Variants in ASMT observed in about 807,000 individuals in gnomAD.
The protein encoded by ASMT is acetylserotonin N-methyltransferase.
A neutral mutation model predicts 41.3 loss-of-function variants in ASMT; 53 were observed. That is an observed-to-expected ratio of 1.28 (90% CI 1.03 to 1.61). The LOEUF (loss-of-function observed/expected upper bound fraction) is 1.61. ASMT is among the 40% of genes most tolerant of loss of function. The probability of loss-of-function intolerance (pLI) is 0.00; values close to 1 mark genes in which losing one functional copy is unlikely to be tolerated. For synonymous variants in ASMT, 231 were observed against 184.8 expected (o/e 1.25, Z -2.03); for missense variants, 531 against 441.3 (o/e 1.20, Z -1.82).
At position 1,615,082 on chromosome X, in the gene ASMT, G is replaced by A. The variant is rs1391480759; in HGVS notation, c.-118G>A. The A allele has an allele frequency of 4.9e-6, 4 of 823,392 alleles. No homozygotes were observed. The Admixed American group carries it at 8.0e-5, about 16-fold the overall frequency. 51.0% of individuals were successfully genotyped at this position (823,392 alleles called of 1,614,324 possible). A position where few individuals can be genotyped will look rare whatever the true frequency, so the allele number is the denominator to read the frequency against. On this transcript the variant is annotated 5_prime_UTR_variant, in exon 1 of 9. Coordinates refer to ENST00000381241, the MANE Select transcript of ASMT (RefSeq NM_001171038.2). ...TTGTTTGAGTACTGGGCAGGCAGCAGGGAGAGTCAGGCAGCAGCTGTGAGC... is the reference window on the plus strand; with the variant it reads ...TTGTTTGAGTACTGGGCAGGCAGCAAGGAGAGTCAGGCAGCAGCTGTGAGC...
intron 1 of ASMT, among the ~76,000 whole-genome samples, chrX:1,616,682 C>T (rs1284083672): frequency 1.3e-5 from 2 of 151,256 alleles, no homozygotes; most frequent in African/African-American, 2.4e-5. Flanking sequence ...CCAGTCTGGG[C>T]AACATAGTGA....
chrX:1,629,453 G>A (rs1400591000), intron 4 of ASMT, among the ~76,000 whole-genome samples: 2 of 152,178 alleles, frequency 1.3e-5, no homozygotes, highest in Non-Finnish European at 2.9e-5. Flanking sequence ...CTCTTCCCCA[G>A]GATGTGTGGA....
intron 1 of ASMT, 66 bp from the exon 2 acceptor site, chrX:1,623,073 G>A: frequency 6.6e-7 from 1 of 1,517,746 alleles, no homozygotes; most frequent in Non-Finnish European, 9.1e-7. Context: ...ATGGTATGGG[G>A]TGTTTCTAAG....
chrX:1,642,693 G>A (rs1439165530), intron 8 of ASMT, 110 bp from the exon 9 acceptor site: 24 of 962,602 alleles, frequency 2.5e-5, no homozygotes, highest in Admixed American at 1.5e-4. Flanking sequence ...TGATGGGGAC[G>A]GTGCCCTGAC....
intron 1 of ASMT, among the ~76,000 whole-genome samples, chrX:1,616,092 G>A (rs1258488039): frequency 4.0e-5 from 6 of 151,260 alleles, no homozygotes; most frequent in Admixed American, 6.6e-5. Context: ...GCAGTGGCAC[G>A]GTCTTGGCTC....
intron 7 of ASMT, among the ~76,000 whole-genome samples, chrX:1,634,824 C>T (rs1251082215): frequency 6.6e-6 from 1 of 151,910 alleles, no homozygotes; most frequent in Non-Finnish European, 1.5e-5. Flanking sequence ...TATCACCATG[C>T]CTGGCTAATT....
At chrX:1,619,961 T>C (rs1254218454) in intron 1 of ASMT, among the ~76,000 whole-genome samples, 1 of 150,768 alleles carries the variant, frequency 6.6e-6, no homozygotes, top group Non-Finnish European at 1.5e-5. Flanking sequence ...GGCGTGGTGG[T>C]GGGCGCCTGT....
intron 4 of ASMT, among the ~76,000 whole-genome samples, chrX:1,628,211 G>T (rs5948993): frequency 1.3e-5 from 2 of 151,882 alleles, no homozygotes; most frequent in African/African-American, 4.8e-5. Context: ...ATCCCAGCTA[G>T]TCGGGAGGCT....
intron 3 of ASMT, among the ~76,000 whole-genome samples, chrX:1,625,825 G>A (rs1361675104): frequency 2.6e-5 from 4 of 151,664 alleles, no homozygotes; most frequent in African/African-American, 7.3e-5. Context: ...GTGGTGGCGG[G>A]CGCCTGTAGT....
chrX:1,636,255 C>A (rs1218417483), intron 7 of ASMT, 183 bp from the exon 8 acceptor site: 6 of 921,422 alleles, frequency 6.5e-6, no homozygotes, highest in African/African-American at 1.6e-5. Context: ...CCGCGCCCGA[C>A]CTCAGTATTT....
At chrX:1,624,151 AAAG>A in intron 2 of ASMT, 115 bp from the exon 3 acceptor site, 1 of 1,349,570 alleles carries the variant, frequency 7.4e-7, no homozygotes, top group Middle Eastern at 2.4e-4. Flanking sequence ...CCCCATCTCT[AAAG>A]AAGAGATGGG....
intron 4 of ASMT, among the ~76,000 whole-genome samples, chrX:1,629,570 A>T (rs1469955943): frequency 1.2e-4 from 18 of 152,172 alleles, no homozygotes; most frequent in Admixed American, 3.9e-4. Flanking sequence ...CTTCAGATAG[A>T]AATCCCTTCC....
At chrX:1,625,528 A>AGAAGGAAG (rs571574132) in intron 3 of ASMT, among the ~76,000 whole-genome samples, 2,614 of 99,702 alleles carry the variant, frequency 0.026, 213 homozygotes, top group African/African-American at 0.098. Context: ...GAGAGAGGGG[A>AGAAGGAAG]GAAGGAAGGA....
chrX:1,634,822 T>C (rs1439294640), intron 7 of ASMT, among the ~76,000 whole-genome samples: 1 of 151,962 alleles, frequency 6.6e-6, no homozygotes, highest in African/African-American at 2.4e-5. Flanking sequence ...CCTATCACCA[T>C]GCCTGGCTAA....
chrX:1,625,260 A>G (rs28493247), intron 3 of ASMT, among the ~76,000 whole-genome samples: 59,110 of 150,192 alleles, frequency 0.39, 11,338 homozygotes, highest in East Asian at 0.57. Context: ...ACCCGCCACC[A>G]CACCCGACTA....
chrX:1,636,225 A>G lies in ASMT; in HGVS notation c.788-213A>G, dbSNP rs371683761. ...GCCCACCTCCGCCTCCCAAAGTGCT[A>G]GGATTACAGGCGTGAGCCACCGCGC... On this transcript the variant is annotated intron_variant, in intron 7 of 8. Coordinates refer to ENST00000381241, the MANE Select transcript of ASMT (RefSeq NM_001171038.2). The G allele has an allele frequency of 1.1e-3, 760 of 675,718 alleles. 3 individuals are homozygous for G. Among genetic ancestry groups the G allele is most frequent in the African/African-American group, 7.5e-3 (427 of 56,744 alleles). The allele number at this position is 675,718 out of a possible 1,614,324, so 41.9% of individuals were successfully genotyped here. A position where few individuals can be genotyped will look rare whatever the true frequency, so the allele number is the denominator to read the frequency against.
At chrX:1,628,445 C>T (rs1315639724) in intron 4 of ASMT, among the ~76,000 whole-genome samples, 14 of 152,236 alleles carry the variant, frequency 9.2e-5, no homozygotes, top group Admixed American at 6.5e-5. Context: ...GGCCTTTGCC[C>T]GAAGCTCTTA....
chrX:1,633,197 T>C lies in ASMT; in HGVS notation c.694T>C (p.Cys232Arg). Residue 232 changes from cysteine (C) to arginine (R), a missense_variant, in exon 7 of 9, where the codon TGT (cysteine) becomes CGT (arginine). Coordinates refer to ENST00000381241, the MANE Select transcript of ASMT (RefSeq NM_001171038.2). The part of the protein sequence containing the change: ...AKECMSLYPG[C>R]KITVFDIPEV... Reference sequence around the variant, plus strand: ...GGAATGCATGTCTCTGTACCCTGGATGTAAGATCACCGTTTTTGACATCCC... The same window carrying C: ...GGAATGCATGTCTCTGTACCCTGGACGTAAGATCACCGTTTTTGACATCCC... 2 of 1,613,836 alleles carry C rather than the reference T, an allele frequency of 1.2e-6. No individual in the cohort carries two copies. The highest frequency in any genetic ancestry group is 1.7e-6 in the Non-Finnish European group (2 of 1,179,844).
chrX:1,632,467 C>T (rs758096264), intron 5 of ASMT, among the ~76,000 whole-genome samples: 13 of 152,174 alleles, frequency 8.5e-5, no homozygotes, highest in South Asian at 2.1e-4. Context: ...CTGGCTAACA[C>T]GGAGAAACCC....
Sources: gnomAD v4.1 joint callset for allele counts (sites outside exome capture counted in the v4.1 genomes callset) on GRCh38, gnomAD v4.1.1 for gene constraint, MANE v1.5 for transcripts, NCBI Gene and HGNC (gene_info 2026-07-23, HGNC 2026-07-21) for gene names.